THRB: variants seen among roughly 807,000 people sequenced by gnomAD.
The protein encoded by THRB is nuclear receptor subfamily 1 group A member 2.
Under a neutral mutation model 47.8 loss-of-function variants are expected in THRB, and 12 were observed. The observed-to-expected ratio is 0.25, with a 90% CI of 0.16 to 0.41. The LOEUF (loss-of-function observed/expected upper bound fraction) is 0.41. Among genes scored for constraint, THRB ranks in the 10% least tolerant of loss-of-function variants. THRB has a pLI of 1.00. For synonymous variants in THRB, 218 were observed against 212.2 expected, an observed-to-expected ratio of 1.03 and a Z score of -0.24; for missense variants, 348 against 589.2, an observed-to-expected ratio of 0.59 and a Z score of 4.24.
intron 1 of THRB, among the ~76,000 whole-genome samples, chr3:24,456,621 AAT>A (rs1454244401): frequency 9.3e-5 from 14 of 150,582 alleles, no homozygotes; most frequent in African/African-American, 3.4e-4. Flanking sequence ...TAAAATTTAA[AAT>A]ATTAGTTTAA....
intron 3 of THRB, among the ~76,000 whole-genome samples, chr3:24,280,667 G>A (rs542873500): frequency 1.3e-5 from 2 of 152,132 alleles, no homozygotes; most frequent in South Asian, 4.2e-4. Flanking sequence ...CAAACCAAAG[G>A]CAAATAAGTT....
intron 2 of THRB, among the ~76,000 whole-genome samples, chr3:24,329,905 C>T (rs886126498): frequency 6.6e-6 from 1 of 152,222 alleles, no homozygotes; most frequent in Non-Finnish European, 1.5e-5. Context: ...GAATCAGAGA[C>T]TCTGGCAATG....
chr3:24,235,343 A>G (rs2048749911), intron 3 of THRB, among the ~76,000 whole-genome samples: 1 of 152,082 alleles, frequency 6.6e-6, no homozygotes, highest in Admixed American at 6.5e-5. Flanking sequence ...TACCTCATGA[A>G]AAATCTTTCC....
chr3:24,474,839 C>T (rs1577855139), intron 1 of THRB, among the ~76,000 whole-genome samples: 1 of 152,126 alleles, frequency 6.6e-6, no homozygotes, highest in Admixed American at 6.5e-5. Flanking sequence ...ACTGTAAGGA[C>T]CTGTATCAGA....
chr3:24,195,394 C>T (rs1382262336), intron 4 of THRB, among the ~76,000 whole-genome samples: 1 of 152,076 alleles, frequency 6.6e-6, no homozygotes, highest in East Asian at 1.9e-4. Context: ...TAGTAATTGA[C>T]CTATTAATAG....
rs760776123 is a variant in THRB, at chr3:24,118,902, C to T, written c.*3982G>A. The T allele has an allele frequency of 5.3e-5, 8 of 150,010 alleles. No individual in the cohort carries two copies. Among genetic ancestry groups the T allele is most frequent in the South Asian group, 2.1e-4 (1 of 4,710 alleles). 9.3% of individuals were successfully genotyped at this position (150,010 alleles called of 1,614,324 possible). A position where few individuals can be genotyped will look rare whatever the true frequency, so the allele number is the denominator to read the frequency against. On this transcript the variant is annotated 3_prime_UTR_variant, in exon 11 of 11. Transcript: ENST00000646209. The stretch of plus-strand genomic sequence containing the variant: ...AAACACACTATAAATGCACACTTTT[C>T]GCATTTGCAAACATTTATACAGCAC...
chr3:24,125,727 G>A (rs879788097), intron 10 of THRB, among the ~76,000 whole-genome samples: 8 of 152,152 alleles, frequency 5.3e-5, no homozygotes, highest in African/African-American at 1.7e-4. Context: ...CCCACATGGC[G>A]GTTTACTTCA....
intron 7 of THRB, chr3:24,144,912 A>C (rs921900744): frequency 6.6e-6 from 1 of 152,042 alleles, no homozygotes; most frequent in African/African-American, 2.4e-5. Context: ...AGGAAAAGAA[A>C]AAAAGCAGAC....
chr3:24,240,909 A>T (rs1445856638), intron 3 of THRB, among the ~76,000 whole-genome samples: 3 of 152,122 alleles, frequency 2.0e-5, no homozygotes, highest in Admixed American at 2.0e-4. Context: ...GTACTCACTC[A>T]ACACATGGCA....
At chr3:24,152,336 G>A (rs1470918476) in intron 6 of THRB, 54 bp downstream of exon 6, 7 of 921,194 alleles carry the variant, frequency 7.6e-6, no homozygotes, top group Middle Eastern at 2.3e-4. Flanking sequence ...GAAGAGGACT[G>A]GGAGGGGACT....
At chr3:24,166,119 G>A (rs911056842) in intron 5 of THRB, among the ~76,000 whole-genome samples, 1 of 152,178 alleles carries the variant, frequency 6.6e-6, no homozygotes, top group Admixed American at 6.5e-5. Flanking sequence ...GGTTGAAAAT[G>A]CTGCTGATGT....
chr3:24,418,118 G>A (rs1286268106), intron 1 of THRB, among the ~76,000 whole-genome samples: 1 of 151,608 alleles, frequency 6.6e-6, no homozygotes, highest in Non-Finnish European at 1.5e-5. Flanking sequence ...TCTCCCAGAA[G>A]ATGACCCTTG....
chr3:24,254,199 TAAAAAAAAAAAAAAAAAAAAAAAAAAA>T lies in THRB; in HGVS notation c.-42-25225_-42-25199del, dbSNP rs57275069. 9.4e-3 allele frequency among the ~76,000 whole-genome samples: 325 copies of T among 34,618 alleles called. 8 individuals are homozygous for T. The East Asian group carries it at 0.096, about 10-fold the overall frequency. 22.7% of individuals were successfully genotyped at this position (34,618 alleles called of 152,430 possible). ...TAACACAGTGAAACCCTGTCTCTAC[TAAAAAAAAAAAAAAAAAAAAAAAAAAA>T]AAAAAAAAAAAAAAAAAAATTAGCT... On this transcript the variant is annotated intron_variant, in intron 3 of 10. Transcript: ENST00000646209.
chr3:24,442,571 TCCC>T (rs2071634423), intron 1 of THRB, among the ~76,000 whole-genome samples: 1 of 152,198 alleles, frequency 6.6e-6, no homozygotes, highest in Admixed American at 6.5e-5. Context: ...ACGCCTGTAA[TCCC>T]AGCACTTTGG....
intron 4 of THRB, among the ~76,000 whole-genome samples, chr3:24,225,309 A>G (rs566097804): frequency 6.1e-4 from 93 of 152,286 alleles, no homozygotes; most frequent in Non-Finnish European, 1.2e-3. Flanking sequence ...CTTCCCTGCT[A>G]CAGAGGGATA....
Position 24,118,805 on chromosome 3 carries a change from G to A in THRB, c.*4079C>T. 6.6e-6 allele frequency: 1 copy of A among 152,614 alleles called. No homozygotes were observed. Among genetic ancestry groups the A allele is most frequent in the East Asian group, 1.9e-4 (1 of 5,202 alleles). The allele number at this position is 152,614 out of a possible 1,614,324, so 9.5% of individuals were successfully genotyped here. On this transcript the variant is annotated 3_prime_UTR_variant, in exon 11 of 11. Transcript: ENST00000646209. ...TGCATAGGGTGGGTCAGCTTTAACT[G>A]TGCAACAGAAAGCCACAAACAGCGT...
At chr3:24,272,372 A>AACAAC (rs758147246) in intron 3 of THRB, among the ~76,000 whole-genome samples, 6 of 96,118 alleles carry the variant, frequency 6.2e-5, no homozygotes, top group Non-Finnish European at 1.5e-4. Flanking sequence ...CAACAACAAC[A>AACAAC]AACAAAAACA....
chr3:24,495,510 C>T (rs1197240980), upstream of THRB: 1 of 152,576 alleles, frequency 6.6e-6, no homozygotes, highest in Non-Finnish European at 1.5e-5. Flanking sequence ...TCCTCCTAAT[C>T]CCGGCCGTGC....
At chr3:24,425,244 G>A (rs1353392648) in intron 1 of THRB, among the ~76,000 whole-genome samples, 1 of 151,792 alleles carries the variant, frequency 6.6e-6, no homozygotes, top group Non-Finnish European at 1.5e-5. Flanking sequence ...GGATGAGAAT[G>A]CCAATTCTTT....
Sources: gnomAD v4.1 joint callset for allele counts (sites outside exome capture counted in the v4.1 genomes callset) on GRCh38, gnomAD v4.1.1 for gene constraint, MANE v1.5 for transcripts, NCBI Gene and HGNC (gene_info 2026-07-23, HGNC 2026-07-21) for gene names.